GFPT2: variants seen among roughly 807,000 people sequenced by gnomAD.
GFPT2 encodes glutamine--fructose-6-phosphate transaminase 2, also known as glutamine--fructose-6-phosphate aminotransferase [isomerizing] 2.
Under a neutral mutation model 85.6 loss-of-function variants are expected in GFPT2, and 62 were observed. That is an observed-to-expected ratio of 0.72 (90% confidence interval 0.59 to 0.90). The LOEUF is 0.90. GFPT2 is among the 40% of genes least tolerant of loss of function. The pLI is 0.00. For missense variants in GFPT2, 788 were observed against 893.4 expected, an observed-to-expected ratio of 0.88 and a Z score of 1.50; for synonymous variants, 368 against 344.5, an observed-to-expected ratio of 1.07 and a Z score of -0.75.
At chr5:180,329,378 A>G (rs1561879768) in intron 6 of GFPT2, among the ~76,000 whole-genome samples, 1 of 152,208 alleles carries the variant, frequency 6.6e-6, no homozygotes, top group African/African-American at 2.4e-5. Context: ...AAAACACTGC[A>G]CGTTCTCTGC....
intron 13 of GFPT2, 130 bp downstream of exon 13, chr5:180,316,211 A>T: frequency 2.2e-6 from 2 of 894,440 alleles, no homozygotes; most frequent in Non-Finnish European, 3.4e-6. Flanking sequence ...TCTACGGGTT[A>T]AATGACCGCT....
At chr5:180,336,128 T>TTAC (rs1764389903) in intron 3 of GFPT2, 175 bp from the exon 4 acceptor site, 1 of 596,074 alleles carries the variant, frequency 1.7e-6, no homozygotes, top group Admixed American at 3.4e-5. Flanking sequence ...TGAAGGTTAT[T>TTAC]TACTACTTGT....
At position 180,338,615 on chromosome 5, in the gene GFPT2, A is replaced by G. The variant is rs1476278445; in HGVS notation, c.8-15T>C. The G allele has an allele frequency of 6.9e-7, 1 of 1,447,530 alleles. No individual in the cohort carries two copies. Among genetic ancestry groups the G allele is most frequent in the East Asian group, 2.3e-5 (1 of 44,036 alleles). The allele number at this position is 1,447,530 out of a possible 1,614,324, so 89.7% of individuals were successfully genotyped here. On this transcript the variant is annotated splice_polypyrimidine_tract_variant and intron_variant, in intron 1 of 18. Coordinates refer to ENST00000253778, the MANE Select transcript of GFPT2 (RefSeq NM_005110.4). ...GGCAAAGATTCCTGTTCAAAGAGAA[A>G]AAAATGGTGCATTCATAAAATACTC...
chr5:180,311,683 T>A (rs929351249), intron 15 of GFPT2, among the ~76,000 whole-genome samples: 3 of 151,426 alleles, frequency 2.0e-5, no homozygotes, highest in African/African-American at 7.3e-5. Context: ...GACATGTTAG[T>A]TGGGGGAGAC....
chr5:180,301,303 T>G lies in GFPT2; in HGVS notation c.*261A>C. On this transcript the variant is annotated 3_prime_UTR_variant, in exon 19 of 19. Transcript: ENST00000253778. The stretch of plus-strand genomic sequence containing the variant: ...TACTCTGAAGAGAGCTGTATCTCTA[T>G]TGCACAGTAGTGGAGAAGTCTGCTC... The G allele has an allele frequency of 1.8e-6, 1 of 542,100 alleles. No individual in the cohort carries two copies. 33.6% of individuals were successfully genotyped at this position (542,100 alleles called of 1,614,324 possible). A position where few individuals can be genotyped will look rare whatever the true frequency, so the allele number is the denominator to read the frequency against.
Position 180,318,750 on chromosome 5 carries a change from T to C in GFPT2, c.958+43A>G, listed in dbSNP as rs904160739. 1.3e-6 allele frequency: 2 copies of C among 1,575,080 alleles called. No individual in the cohort carries two copies. The highest frequency in any genetic ancestry group is 1.3e-5 in the African/African-American group (1 of 74,270). ...GTGTCAGGAGCTCCACCAGGCGCGCTGGCTCCCGAGGCTGCCGCACGTGGA... is the reference window on the plus strand; with the variant it reads ...GTGTCAGGAGCTCCACCAGGCGCGCCGGCTCCCGAGGCTGCCGCACGTGGA... On this transcript the variant is annotated intron_variant, in intron 10 of 18. Coordinates refer to ENST00000253778, the MANE Select transcript of GFPT2 (RefSeq NM_005110.4). This position sits in a 1 kb window ranked among gnomAD's most constrained non-coding sequence, Gnocchi z 4.2.
At chr5:180,351,535 C>A (rs917095317) in intron 1 of GFPT2, among the ~76,000 whole-genome samples, 2 of 152,216 alleles carry the variant, frequency 1.3e-5, no homozygotes, top group African/African-American at 4.8e-5. Flanking sequence ...ACCGCAGCCA[C>A]TCCTGAGCCC....
chr5:180,341,087 G>T (rs1764506292), intron 1 of GFPT2, among the ~76,000 whole-genome samples: 1 of 152,110 alleles, frequency 6.6e-6, no homozygotes, highest in South Asian at 2.1e-4. Context: ...CTTAACTTCT[G>T]GACCAGAGCC....
chr5:180,318,696 G>T lies in GFPT2; in HGVS notation c.958+97C>A. On this transcript the variant is annotated intron_variant, in intron 10 of 18. Coordinates refer to ENST00000253778, the MANE Select transcript of GFPT2 (RefSeq NM_005110.4). The surrounding 1 kb of genome is among the most constrained non-coding windows in gnomAD (Gnocchi z 4.2). The stretch of plus-strand genomic sequence containing the variant: ...CCCTGGTGGCCACAGAGGGCAGGAG[G>T]GCTGTGGCCTCTACTAGGACCAGGC... 9.7e-7 allele frequency: 1 copy of T among 1,031,508 alleles called. No individual in the cohort carries two copies. The highest frequency in any genetic ancestry group is 1.4e-6 in the Non-Finnish European group (1 of 691,236). 63.9% of individuals were successfully genotyped at this position (1,031,508 alleles called of 1,614,324 possible).
At chr5:180,313,563 C>G (rs79761325) in intron 14 of GFPT2, among the ~76,000 whole-genome samples, 34,045 of 150,690 alleles carry the variant, frequency 0.23, 4,398 homozygotes, top group East Asian at 0.35. Flanking sequence ...GCACTCCAGC[C>G]TGGGCGACAG....
At position 180,324,228 on chromosome 5, in the gene GFPT2, C is replaced by G; in HGVS notation, c.754G>C (p.Gly252Arg). The G allele has an allele frequency of 6.2e-7, 1 of 1,612,502 alleles. No homozygotes were observed. Among genetic ancestry groups the G allele is most frequent in the Non-Finnish European group, 8.5e-7 (1 of 1,178,744 alleles). Residue 252 changes from glycine (G) to arginine (R), a missense_variant, in exon 9 of 19, where the codon GGC (glycine) becomes CGC (arginine). Physicochemically the swap from Gly to Arg is moderately radical, Grantham distance 125 (BLOSUM62 -2). Coordinates refer to ENST00000253778, the MANE Select transcript of GFPT2 (RefSeq NM_005110.4). ...LDSSACLHAV[G>R]DKAVEFFFAS... ...AAGAAGAATTCCACGGCCTTGTCGCCCACAGCATGCAGGCAGGCGGAGCTG... is the reference window on the plus strand; with the variant it reads ...AAGAAGAATTCCACGGCCTTGTCGCGCACAGCATGCAGGCAGGCGGAGCTG...
Position 180,304,892 on chromosome 5 carries a change from C to A in GFPT2, c.1722G>T (p.Gly574=). The A allele has an allele frequency of 6.2e-7, 1 of 1,613,324 alleles. No individual in the cohort carries two copies. The highest frequency in any genetic ancestry group is 8.5e-7 in the Non-Finnish European group (1 of 1,179,238). The stretch of plus-strand genomic sequence containing the variant: ...GTGCCAGGGGCCCGTGCTTCAGCTC[C>A]CCAGCCAGGATGCCTTCTGAGTGCA... ...TYMHSEGILA[G]ELKHGPLALI... Residue 574 remains glycine (G), a synonymous_variant, in exon 17 of 19, where the codon GGG becomes GGT. Coordinates refer to ENST00000253778, the MANE Select transcript of GFPT2 (RefSeq NM_005110.4).
rs535377299 is a variant in GFPT2 at position 180,353,310 on chromosome 5, G to A, written c.-93C>T. ...GTGGGCTCCTCCGTGGGCTCCGTGGGCTCCGTGGGCTCCGCGGGCTCCAGC... is the reference window on the plus strand; with the variant it reads ...GTGGGCTCCTCCGTGGGCTCCGTGGACTCCGTGGGCTCCGCGGGCTCCAGC... On this transcript the variant is annotated 5_prime_UTR_variant, in exon 1 of 19. Transcript: ENST00000253778. 5.2e-6 allele frequency: 5 copies of A among 970,254 alleles called. No individual in the cohort carries two copies. The highest frequency in any genetic ancestry group is 6.7e-6 in the Non-Finnish European group (5 of 748,436). The allele number at this position is 970,254 out of a possible 1,614,324, so 60.1% of individuals were successfully genotyped here.
At chr5:180,317,961 C>G (rs780834490) in intron 10 of GFPT2, among the ~76,000 whole-genome samples, 1 of 151,928 alleles carries the variant, frequency 6.6e-6, no homozygotes, top group Non-Finnish European at 1.5e-5. Flanking sequence ...CCCATGCTCC[C>G]GGCCTGTCTC....
At chr5:180,343,050 A>G (rs1581389674) in intron 1 of GFPT2, among the ~76,000 whole-genome samples, 1 of 152,344 alleles carries the variant, frequency 6.6e-6, no homozygotes, top group South Asian at 2.1e-4. Context: ...AGTCTTTTAC[A>G]CTGAACTTTC....
chr5:180,352,231 C>A, intron 1 of GFPT2: 1 of 360,258 alleles, frequency 2.8e-6, no homozygotes, highest in South Asian at 2.1e-5. Flanking sequence ...CGGGCGCACC[C>A]CACCCCGGCC....
At chr5:180,338,739 C>T (rs929622728) in intron 1 of GFPT2, 139 bp from the exon 2 acceptor site, 6 of 589,556 alleles carry the variant, frequency 1.0e-5, no homozygotes, top group African/African-American at 9.4e-5. Context: ...CCTCCCTGAG[C>T]ACAGCTGAAG....
At chr5:180,333,981 A>G (rs567050356) in intron 4 of GFPT2, among the ~76,000 whole-genome samples, 1 of 152,284 alleles carries the variant, frequency 6.6e-6, no homozygotes, top group East Asian at 1.9e-4. Context: ...GTCTGGGCGC[A>G]GTGTTTTCTC....
At chr5:180,316,490 A>G (rs748347442) in intron 12 of GFPT2, 29 bp from the exon 13 acceptor site, 2 of 1,613,570 alleles carry the variant, frequency 1.2e-6, no homozygotes, top group East Asian at 2.2e-5. Context: ...CATGGAGACT[A>G]AAGTCAGTCA....
Sources: gnomAD v4.1 joint callset for allele counts (sites outside exome capture counted in the v4.1 genomes callset) on GRCh38, gnomAD v4.1.1 for gene constraint, Gnocchi (gnomAD v3.1) non-coding constraint, MANE v1.5 for transcripts, NCBI Gene and HGNC (gene_info 2026-07-23, HGNC 2026-07-21) for gene names.